Variants in ASTN2 observed in about 807,000 individuals in gnomAD.
ASTN2 encodes the protein astrotactin 2.
A neutral mutation model predicts 139.8 loss-of-function variants in ASTN2; 54 were observed. That is an observed-to-expected ratio of 0.39 (90% confidence interval 0.31 to 0.48). ASTN2 has a LOEUF of 0.48. Among genes scored for constraint, ASTN2 ranks in the 20% least tolerant of loss-of-function variants. The pLI, the probability that ASTN2 is intolerant of heterozygous loss-of-function variation, is 0.95. For missense variants in ASTN2, 1,565 were observed against 1,725.1 expected (o/e 0.91, Z 1.64); for synonymous variants, 756 against 719.5 (o/e 1.05, Z -0.81).
At chr9:116,753,040 A>G (rs1001446393) in intron 13 of ASTN2, among the ~76,000 whole-genome samples, 1 of 152,240 alleles carries the variant, frequency 6.6e-6, no homozygotes, top group Non-Finnish European at 1.5e-5. Context: ...AGTGTAAAAC[A>G]TGTCCACACA....
intron 19 of ASTN2, among the ~76,000 whole-genome samples, chr9:116,588,541 G>T (rs1312458517): frequency 6.6e-6 from 1 of 152,144 alleles, no homozygotes; most frequent in Non-Finnish European, 1.5e-5. Flanking sequence ...TTGAAACTAT[G>T]ATGAGTTAAA....
intron 13 of ASTN2, among the ~76,000 whole-genome samples, chr9:116,782,894 T>A (rs1830257735): frequency 6.6e-6 from 1 of 152,224 alleles, no homozygotes; most frequent in African/African-American, 2.4e-5. Context: ...CTGACTTTCA[T>A]ACCTAACACT....
At chr9:116,733,332 T>C (rs1379080760) in intron 14 of ASTN2, 67 bp downstream of exon 14, 34 of 1,586,846 alleles carry the variant, frequency 2.1e-5, no homozygotes, top group South Asian at 8.9e-5. Flanking sequence ...AAGACTGATA[T>C]GCACTAGGTG....
At chr9:116,743,058 C>T (rs1376719305) in intron 13 of ASTN2, among the ~76,000 whole-genome samples, 1 of 152,114 alleles carries the variant, frequency 6.6e-6, no homozygotes, top group East Asian at 1.9e-4. Context: ...TCCACAAGAA[C>T]ACATTTGTAC....
At chr9:116,757,689 A>T (rs1265089549) in intron 13 of ASTN2, among the ~76,000 whole-genome samples, 1 of 152,100 alleles carries the variant, frequency 6.6e-6, no homozygotes, top group Non-Finnish European at 1.5e-5. Context: ...TTCTATCATT[A>T]GTTGCTCCAC....
chr9:116,601,380 G>A (rs11792572), intron 19 of ASTN2, among the ~76,000 whole-genome samples: 44,153 of 152,088 alleles, frequency 0.29, 7,298 homozygotes, highest in Admixed American at 0.43. Context: ...AATATTTATT[G>A]AGTGCCCATG....
chr9:117,209,249 A>G (rs909445296), intron 3 of ASTN2, among the ~76,000 whole-genome samples: 29 of 152,198 alleles, frequency 1.9e-4, no homozygotes, highest in African/African-American at 6.3e-4. Context: ...CATTAAGAAT[A>G]TATAAACAGG....
chr9:117,355,667 CTG>C (rs1392239827), intron 1 of ASTN2, among the ~76,000 whole-genome samples: 1 of 152,162 alleles, frequency 6.6e-6, no homozygotes, highest in African/African-American at 2.4e-5. Flanking sequence ...AGAATGGACT[CTG>C]ATTACAATCT....
intron 13 of ASTN2, among the ~76,000 whole-genome samples, chr9:116,750,517 A>G (rs1224027314): frequency 6.6e-6 from 1 of 151,390 alleles, no homozygotes; most frequent in African/African-American, 2.4e-5. Context: ...GTAGAAGAAA[A>G]TCTAATAGCA....
intron 20 of ASTN2, among the ~76,000 whole-genome samples, chr9:116,452,997 G>A (rs911160211): frequency 7.9e-5 from 12 of 152,158 alleles, no homozygotes; most frequent in Non-Finnish European, 5.9e-5. Context: ...CAGAGGAGGA[G>A]AGGCCAAGCA....
Position 116,618,439 on chromosome 9 carries a change from A to T in ASTN2, c.3240T>A (p.Ser1080Arg), listed in dbSNP as rs780885904. ...CCACCCACTCCAAGGAGACCACAGT[A>T]CTGGAGGGCTCCACTGTTGGGGACA... is the stretch of plus-strand genomic sequence containing the variant. ...LRLSPTVEPS[S>R]TVVSLEWVDV... Residue 1080 changes from serine (S) to arginine (R), a missense_variant, in exon 19 of 23, where the codon AGT (serine) becomes AGA (arginine). By Grantham distance (110) the Ser-to-Arg change is moderately radical. This residue lies in a region of ASTN2 where 418 missense variants were observed against 465.8 expected (regional missense o/e 0.90). Coordinates refer to ENST00000313400, the MANE Select transcript of ASTN2 (RefSeq NM_001365068.1). The T allele has an allele frequency of 1.2e-6, 2 of 1,614,044 alleles. No individual in the cohort carries two copies. The highest frequency in any genetic ancestry group is 1.7e-6 in the Non-Finnish European group (2 of 1,179,962).
At chr9:117,380,738 A>G (rs1021696231) in intron 1 of ASTN2, among the ~76,000 whole-genome samples, 1 of 152,212 alleles carries the variant, frequency 6.6e-6, no homozygotes, top group Non-Finnish European at 1.5e-5. Flanking sequence ...ACTTCACCCC[A>G]CTAGGGTAAA....
chr9:116,511,789 G>A (rs149179497), intron 19 of ASTN2, among the ~76,000 whole-genome samples: 5,959 of 152,096 alleles, frequency 0.039, 418 homozygotes, highest in African/African-American at 0.14. Flanking sequence ...GTTTATTTGC[G>A]TAGAGGTGTT....
chr9:116,941,659 C>T (rs1476001544), intron 10 of ASTN2, among the ~76,000 whole-genome samples: 1 of 151,426 alleles, frequency 6.6e-6, no homozygotes, highest in Non-Finnish European at 1.5e-5. Context: ...AATTGAGCAT[C>T]TCCATGGGCC....
intron 19 of ASTN2, among the ~76,000 whole-genome samples, chr9:116,576,166 C>A (rs946320047): frequency 1.3e-5 from 2 of 152,048 alleles, no homozygotes; most frequent in African/African-American, 4.8e-5. Flanking sequence ...GAGCAGTGGC[C>A]AGATGCAGCT....
At chr9:116,603,890 C>T (rs1011313803) in intron 19 of ASTN2, among the ~76,000 whole-genome samples, 1 of 152,134 alleles carries the variant, frequency 6.6e-6, no homozygotes, top group Non-Finnish European at 1.5e-5. Context: ...GATCTCCAGG[C>T]GAGGGGTTGA....
chr9:116,582,693 G>A (rs928825831), intron 19 of ASTN2: 2 of 152,202 alleles, frequency 1.3e-5, no homozygotes, highest in African/African-American at 4.8e-5. Flanking sequence ...CAGTAAGCAT[G>A]AGAAAAGATC....
intron 3 of ASTN2, among the ~76,000 whole-genome samples, chr9:117,164,772 G>T (rs1203124461): frequency 2.6e-5 from 4 of 152,048 alleles, no homozygotes; most frequent in African/African-American, 4.8e-5. Context: ...TGTGAACTTT[G>T]CTGGGAGCCT....
intron 20 of ASTN2, among the ~76,000 whole-genome samples, chr9:116,474,377 C>T (rs1490194590): frequency 6.6e-6 from 1 of 152,120 alleles, no homozygotes; most frequent in African/African-American, 2.4e-5. Context: ...TCTCACTATC[C>T]TGTGATTCAA....
Sources: gnomAD v4.1 joint callset for allele counts (sites outside exome capture counted in the v4.1 genomes callset) on GRCh38, gnomAD v4.1.1 for gene constraint, gnomAD v4.1.1 regional missense constraint, MANE v1.5 for transcripts, NCBI Gene and HGNC (gene_info 2026-07-23, HGNC 2026-07-21) for gene names.